MZT2B: variants seen among roughly 807,000 people sequenced by gnomAD.
MZT2B encodes mitotic spindle organizing protein 2B, also known as mitotic-spindle organizing protein 2B.
In MZT2B, 11 loss-of-function variants were observed where a neutral mutation model predicts 12.1. That is an observed-to-expected ratio of 0.91 (90% CI 0.57 to 1.50). The LOEUF (loss-of-function observed/expected upper bound fraction) is 1.50, where lower values mean the gene tolerates loss of function less well. MZT2B is among the 40% of genes most tolerant of loss of function. The pLI is 0.00. For synonymous variants in MZT2B, 85 were observed against 109.5 expected, an observed-to-expected ratio of 0.78 and a Z score of 1.40; for missense variants, 209 against 227.7, an observed-to-expected ratio of 0.92 and a Z score of 0.53.
chr2:130,202,284 A>T, the MZT2B span: 1 of 1,280,922 alleles, frequency 7.8e-7, no homozygotes, highest in South Asian at 1.3e-5. Context: ...CTACACAGAA[A>T]GGAACACAAA....
At chr2:130,182,867 G>A (rs937692222) in intron 2 of MZT2B, 92 bp downstream of exon 2, 34 of 1,467,110 alleles carry the variant, frequency 2.3e-5, no homozygotes, top group Non-Finnish European at 2.9e-5. Context: ...GGCCCTGAGT[G>A]GCCAGGCCTG....
At chr2:130,195,097 C>A, downstream of MZT2B, 1 of 1,613,004 alleles carries the variant, frequency 6.2e-7, no homozygotes, top group Non-Finnish European at 8.5e-7. Flanking sequence ...GGATCCGGTC[C>A]AGGACTAGGT....
intron 1 of MZT2B, 82 bp from the exon 2 acceptor site, chr2:130,182,545 C>T: frequency 1.9e-6 from 3 of 1,556,996 alleles, no homozygotes; most frequent in Non-Finnish European, 2.6e-6. Flanking sequence ...GAGGAGCCCC[C>T]GCCCCCGTCC....
At chr2:130,183,658 T>A in intron 2 of MZT2B, 1 of 1,490,490 alleles carries the variant, frequency 6.7e-7, no homozygotes, top group Admixed American at 2.0e-5. Flanking sequence ...GCAGGCTGCC[T>A]TCATGGGGGG....
intron 2 of MZT2B, chr2:130,183,874 T>C: frequency 6.4e-7 from 1 of 1,550,630 alleles, no homozygotes. Context: ...TCTCCGGTTC[T>C]GCTCCACAGC....
At chr2:130,189,593 G>T (rs1283542636) in intron 2 of MZT2B, among the ~76,000 whole-genome samples, 1 of 152,136 alleles carries the variant, frequency 6.6e-6, no homozygotes, top group African/African-American at 2.4e-5. Context: ...CCACATGGGG[G>T]TCTGTGACCC....
At chr2:130,183,946 G>T in intron 2 of MZT2B, 1 of 1,550,504 alleles carries the variant, frequency 6.4e-7, no homozygotes, top group Non-Finnish European at 8.7e-7. Flanking sequence ...CTCTCTTGCT[G>T]CCTGTTCTCT....
At chr2:130,198,952 T>C in the MZT2B span, among the ~76,000 whole-genome samples, 463 of 124,656 alleles carry the variant, frequency 3.7e-3, 116 homozygotes, top group African/African-American at 0.012. Context: ...GGCTAACGCC[T>C]GCAATCCCAG....
At chr2:130,187,197 A>G (rs553606127) in intron 2 of MZT2B, among the ~76,000 whole-genome samples, 7 of 151,398 alleles carry the variant, frequency 4.6e-5, no homozygotes, top group Non-Finnish European at 4.4e-5. Context: ...CTTTTTATTT[A>G]TTTATTTATT....
intron 2 of MZT2B, among the ~76,000 whole-genome samples, chr2:130,186,204 G>T (rs927474382): frequency 2.6e-5 from 4 of 152,258 alleles, no homozygotes; most frequent in African/African-American, 9.6e-5. Flanking sequence ...CAGGACTCGG[G>T]TGTGGAGTTC....
rs1690169404 is a variant in MZT2B, at chr2:130,189,140, C to T, written c.320-1329C>T. ...TAATGCCAGGGTGGTCAGTCCAAAG[C>T]ATTTGTTAGGGAGCTTACATACAGA... On this transcript the variant is annotated intron_variant, in intron 2 of 2. Coordinates refer to ENST00000281871, the MANE Select transcript of MZT2B (RefSeq NM_025029.5). Among the ~76,000 whole-genome samples, 2 of 152,080 alleles carry T rather than the reference C, an allele frequency of 1.3e-5. 1 individual carries two copies. Among genetic ancestry groups the T allele is most frequent in the South Asian group, 4.1e-4 (2 of 4,828 alleles).
upstream of MZT2B, chr2:130,181,910 G>C (rs1689688768): frequency 6.7e-7 from 1 of 1,497,532 alleles, no homozygotes; most frequent in Non-Finnish European, 8.9e-7. Flanking sequence ...CACCGGTGCG[G>C]ACCAGAAAAT....
At chr2:130,204,710 G>A in the MZT2B span, among the ~76,000 whole-genome samples, 6 of 129,820 alleles carry the variant, frequency 4.6e-5, no homozygotes, top group African/African-American at 1.7e-4. Flanking sequence ...AAAAAGGGGG[G>A]GTGGGGAGGA....
chr2:130,193,860 C>T (rs139015117), downstream of MZT2B: 75 of 1,614,086 alleles, frequency 4.6e-5, no homozygotes, highest in South Asian at 6.6e-5. Context: ...GCCGCATTGA[C>T]GTCTTTGGGG....
rs951499574 is a variant in MZT2B, at chr2:130,182,264, C to A, written c.-19C>A. 2.3e-6 allele frequency: 3 copies of A among 1,294,968 alleles called. No individual in the cohort carries two copies. Among genetic ancestry groups the A allele is most frequent in the Non-Finnish European group, 1.9e-6 (2 of 1,030,204 alleles). 80.2% of individuals were successfully genotyped at this position (1,294,968 alleles called of 1,614,324 possible). ...GGGGGCGCGGCGGGGCGGAGCGCAC[C>A]TTTCCGCGGGCCGCGGGGATGGCGG... On this transcript the variant is annotated 5_prime_UTR_variant, in exon 1 of 3. Transcript: ENST00000281871.
the MZT2B span, among the ~76,000 whole-genome samples, chr2:130,203,166 C>A: frequency 1.3e-5 from 2 of 150,750 alleles, no homozygotes; most frequent in Non-Finnish European, 2.9e-5. Flanking sequence ...ACACTGAAGT[C>A]CTTGGACCTG....
the MZT2B span, among the ~76,000 whole-genome samples, chr2:130,203,248 T>A: frequency 6.6e-6 from 1 of 152,218 alleles, no homozygotes; most frequent in Non-Finnish European, 1.5e-5. Flanking sequence ...ATCTGTGGTA[T>A]CATCCCCCTG....
At position 130,185,613 on chromosome 2, in the gene MZT2B, T is replaced by G. The variant is rs1169263871; in HGVS notation, c.319+2838T>G. Among the ~76,000 whole-genome samples, 2 of 93,370 alleles carry G rather than the reference T, an allele frequency of 2.1e-5. 1 individual carries two copies. The highest frequency in any genetic ancestry group is 4.4e-5 in the Non-Finnish European group (2 of 45,270). 61.3% of individuals were successfully genotyped at this position (93,370 alleles called of 152,430 possible). The stretch of plus-strand genomic sequence containing the variant: ...GGGGGTCGGCAGAGCCCCACACGTG[T>G]GAGCTGGGGCAGTGGGAGGGCGTGG... On this transcript the variant is annotated intron_variant, in intron 2 of 2. Transcript: ENST00000281871.
At chr2:130,192,085 C>A (rs752154538), downstream of MZT2B, 5 of 1,608,330 alleles carry the variant, frequency 3.1e-6, no homozygotes, top group Admixed American at 3.4e-5. Context: ...TTGGCCAGGT[C>A]TCCCCCGGGG....
Sources: allele counts gnomAD v4.1 joint callset (sites outside exome capture counted in the v4.1 genomes callset), GRCh38; gene constraint gnomAD v4.1.1; transcripts MANE v1.5; gene names NCBI Gene and HGNC (gene_info 2026-07-23, HGNC 2026-07-21).